Variants in RNF11 observed in about 807,000 individuals in gnomAD.
The protein encoded by RNF11 is ring finger protein 11.
Under a neutral mutation model 15.8 loss-of-function variants are expected in RNF11, and 4 were observed. The observed-to-expected ratio is 0.25, with a 90% CI of 0.12 to 0.58. The LOEUF is 0.58. Ranked by LOEUF, RNF11 falls within the 20% of genes least tolerant of loss-of-function variation. The pLI is 0.91. For missense variants in RNF11, 139 were observed against 194.4 expected (o/e 0.71, Z 1.70); for synonymous variants, 68 against 72.3 (o/e 0.94, Z 0.30).
intron 1 of RNF11, among the ~76,000 whole-genome samples, chr1:51,264,281 AAAAAAAATATATATATATATAT>A (rs1261104311): frequency 1.8e-4 from 16 of 87,814 alleles, no homozygotes; most frequent in African/African-American, 7.1e-4. Context: ...AAAAAAAAAA[AAAAAAAATATATATATATATAT>A]ATATATATAT....
intron 1 of RNF11, among the ~76,000 whole-genome samples, chr1:51,237,442 G>GTATA (rs66523963): frequency 0.032 from 4,467 of 140,422 alleles, 62 homozygotes; most frequent in Middle Eastern, 0.049. Flanking sequence ...ATATATATGT[G>GTATA]TATATATATA....
intron 1 of RNF11, among the ~76,000 whole-genome samples, chr1:51,238,100 A>C (rs1465939308): frequency 6.6e-6 from 1 of 152,184 alleles, no homozygotes; most frequent in African/African-American, 2.4e-5. Flanking sequence ...AGGCCTACCA[A>C]ATACACCAGG....
At chr1:51,270,511 G>A (rs1210248524) in intron 2 of RNF11, among the ~76,000 whole-genome samples, 1 of 152,224 alleles carries the variant, frequency 6.6e-6, no homozygotes, top group Non-Finnish European at 1.5e-5. Context: ...CACTTGGGAG[G>A]CTGAGGTGGG....
In RNF11 at chr1:51,271,081, G is replaced by A. The variant is rs1282398662; in HGVS notation, c.294-70G>A. The A allele has an allele frequency of 2.4e-6, 3 of 1,265,046 alleles. No individual in the cohort carries two copies. In the African/African-American group the frequency reaches 4.4e-5, roughly 19 times the overall value. The allele number at this position is 1,265,046 out of a possible 1,614,324, so 78.4% of individuals were successfully genotyped here. A position where few individuals can be genotyped will look rare whatever the true frequency, so the allele number is the denominator to read the frequency against. ...CTCAGATTAACACTGTCTTTAATGG[G>A]ATTTAAAGAGTTTTCTGAATAGGAC... On this transcript the variant is annotated intron_variant, in intron 2 of 2. Transcript: ENST00000242719.
intron 1 of RNF11, among the ~76,000 whole-genome samples, chr1:51,265,641 C>T (rs977277704): frequency 1.3e-4 from 20 of 152,196 alleles, no homozygotes; most frequent in African/African-American, 4.3e-4. Context: ...CCATGTGTCT[C>T]CTAATCAACA....
In RNF11 at chr1:51,250,772, G is replaced by A. The variant is rs191428429; in HGVS notation, c.123+13893G>A. 2.6e-4 allele frequency: 368 copies of A among 1,417,358 alleles called. 3 individuals carry two copies. In the East Asian group the frequency reaches 7.6e-3, roughly 29 times the overall value. The allele number at this position is 1,417,358 out of a possible 1,614,324, so 87.8% of individuals were successfully genotyped here. ...AAATGGCATCAAAGGTGGCCTTGGC[G>A]AAGTTGCCCAGGGTGGCAGTGCAGC... On this transcript the variant is annotated intron_variant, in intron 1 of 2. Coordinates refer to ENST00000242719, the MANE Select transcript of RNF11 (RefSeq NM_014372.5).
At chr1:51,264,124 G>A (rs547539900) in intron 1 of RNF11, among the ~76,000 whole-genome samples, 2 of 151,104 alleles carry the variant, frequency 1.3e-5, no homozygotes, top group Non-Finnish European at 3.0e-5. Flanking sequence ...GGGCATAGTA[G>A]CATGGGCCTG....
intron 1 of RNF11, among the ~76,000 whole-genome samples, chr1:51,269,536 G>A (rs1646969275): frequency 6.6e-6 from 1 of 152,230 alleles, no homozygotes; most frequent in African/African-American, 2.4e-5. Context: ...TTGTCAATTA[G>A]TGACTGTAGG....
chr1:51,241,911 T>C (rs1384211052), intron 1 of RNF11, among the ~76,000 whole-genome samples: 1 of 152,204 alleles, frequency 6.6e-6, no homozygotes, highest in Non-Finnish European at 1.5e-5. Context: ...AGCTTTGTTA[T>C]GTGCTAAATT....
chr1:51,260,997 G>A (rs779016257), intron 1 of RNF11, among the ~76,000 whole-genome samples: 1 of 152,096 alleles, frequency 6.6e-6, no homozygotes, highest in Non-Finnish European at 1.5e-5. Context: ...CATGAGAATC[G>A]AAAGAAAGAA....
intron 1 of RNF11, among the ~76,000 whole-genome samples, chr1:51,254,863 T>C (rs1051903714): frequency 1.3e-5 from 2 of 152,232 alleles, no homozygotes; most frequent in Non-Finnish European, 2.9e-5. Context: ...ATTACAGGCA[T>C]GAGCACCCAG....
At chr1:51,237,041 T>G (rs538098732) in intron 1 of RNF11, among the ~76,000 whole-genome samples, 162 bp downstream of exon 1, 1 of 152,114 alleles carries the variant, frequency 6.6e-6, no homozygotes, top group East Asian at 1.9e-4. Context: ...GATCTCAGAG[T>G]AAGGTTGATT....
chr1:51,253,428 C>T lies in RNF11; in HGVS notation c.124-16528C>T, dbSNP rs1646889964. 2.0e-5 allele frequency among the ~76,000 whole-genome samples: 3 copies of T among 150,700 alleles called. No homozygotes were observed. In the South Asian group the frequency reaches 6.3e-4, roughly 32 times the overall value. ...GTCCCAGCTACTTGGAAGATTGAGG[C>T]AGGAGGATCACTTGAGCCCAGGAGC... On this transcript the variant is annotated intron_variant, in intron 1 of 2. Transcript: ENST00000242719.
At chr1:51,266,853 A>AAT (rs1428331592) in intron 1 of RNF11, among the ~76,000 whole-genome samples, 2 of 152,242 alleles carry the variant, frequency 1.3e-5, no homozygotes, top group African/African-American at 4.8e-5. Flanking sequence ...TAGGTTATTC[A>AAT]GTTATATAAT....
chr1:51,243,619 A>T (rs1646839824), intron 1 of RNF11, among the ~76,000 whole-genome samples: 1 of 151,932 alleles, frequency 6.6e-6, no homozygotes, highest in Non-Finnish European at 1.5e-5. Flanking sequence ...TTGTATTTTT[A>T]ATAGAAATGG....
chr1:51,255,591 CAA>C (rs1184838681), intron 1 of RNF11, among the ~76,000 whole-genome samples: 3 of 152,160 alleles, frequency 2.0e-5, no homozygotes, highest in African/African-American at 4.8e-5. Flanking sequence ...TTTGGAAGCA[CAA>C]AAGTGATTAA....
chr1:51,273,195 T>G lies in RNF11; in HGVS notation c.*1873T>G, dbSNP rs568182753. 4 of 152,208 alleles carry G rather than the reference T, an allele frequency of 2.6e-5. No homozygotes were observed. The highest frequency in any genetic ancestry group is 2.0e-4 in the Admixed American group (3 of 15,276). The allele number at this position is 152,208 out of a possible 1,614,324, so 9.4% of individuals were successfully genotyped here. ...ATAATGTCTGTGTCATCAAGTATTATAGTCAGACTTTTCTTTTTTTCTAGA... is the reference window on the plus strand; with the variant it reads ...ATAATGTCTGTGTCATCAAGTATTAGAGTCAGACTTTTCTTTTTTTCTAGA... On this transcript the variant is annotated 3_prime_UTR_variant, in exon 3 of 3. Coordinates refer to ENST00000242719, the MANE Select transcript of RNF11 (RefSeq NM_014372.5).
In RNF11 at chr1:51,236,704, C is replaced by A; in HGVS notation, c.-53C>A. On this transcript the variant is annotated 5_prime_UTR_variant, in exon 1 of 3. Transcript: ENST00000242719. ...CGAGGCGGACCGCGGAGTGTGCGAA[C>A]GACCCCACCGCTGCTTTCTCCTCCC... The A allele has an allele frequency of 6.2e-7, 1 of 1,602,884 alleles. No homozygotes were observed. The highest frequency in any genetic ancestry group is 8.5e-7 in the Non-Finnish European group (1 of 1,174,978).
intron 1 of RNF11, chr1:51,251,533 A>T: frequency 1.8e-6 from 1 of 570,970 alleles, no homozygotes; most frequent in Admixed American, 3.4e-5. Context: ...GGTGATTCTC[A>T]TTTTTTGAAA....
Sources: allele counts gnomAD v4.1 joint callset (sites outside exome capture counted in the v4.1 genomes callset), GRCh38; gene constraint gnomAD v4.1.1; transcripts MANE v1.5; gene names NCBI Gene and HGNC (gene_info 2026-07-23, HGNC 2026-07-21).